RAB11FIP2: variants seen among roughly 807,000 people sequenced by gnomAD.
RAB11FIP2 encodes RAB11 family interacting protein 2, also known as rab11 family-interacting protein 2.
In RAB11FIP2, 16 loss-of-function variants were observed where a neutral mutation model predicts 40.9. The ratio of observed to expected loss-of-function variants is 0.39; its 90% CI spans 0.26 to 0.59. The LOEUF is 0.59. Among genes scored for constraint, RAB11FIP2 ranks in the 20% least tolerant of loss-of-function variants. The probability of loss-of-function intolerance (pLI) is 0.53; values close to 1 mark genes in which losing one functional copy is unlikely to be tolerated. For missense variants in RAB11FIP2, 532 were observed against 606.2 expected, an observed-to-expected ratio of 0.88 and a Z score of 1.28; for synonymous variants, 228 against 213.7, an observed-to-expected ratio of 1.07 and a Z score of -0.58.
chr10:118,020,409 C>T (rs868694433), intron 3 of RAB11FIP2, among the ~76,000 whole-genome samples: 9 of 152,180 alleles, frequency 5.9e-5, no homozygotes, highest in South Asian at 4.1e-4. Flanking sequence ...AATAACTGTG[C>T]TCTTGATTTT....
chr10:118,014,657 G>A (rs555799619), intron 4 of RAB11FIP2, among the ~76,000 whole-genome samples: 125 of 152,186 alleles, frequency 8.2e-4, no homozygotes, highest in African/African-American at 2.8e-3. Flanking sequence ...CTTTTCTATT[G>A]TTGAATGTTA....
At chr10:118,043,334 C>T (rs1294510570) in intron 1 of RAB11FIP2, 1 of 151,864 alleles carries the variant, frequency 6.6e-6, no homozygotes, top group African/African-American at 2.4e-5. Context: ...AAAAAGTCAA[C>T]ATCACCTACT....
In RAB11FIP2 at chr10:118,040,113, T is replaced by C. The variant is rs1324144046; in HGVS notation, c.796+10A>G. ...TCAGACCAATGAGTACACAAGAATG[T>C]GACACTTACCACTTTCTGGAACTGT... is the stretch of plus-strand genomic sequence containing the variant. On this transcript the variant is annotated intron_variant, in intron 2 of 4. Coordinates refer to ENST00000355624, the MANE Select transcript of RAB11FIP2 (RefSeq NM_014904.3). The C allele has an allele frequency of 6.2e-7, 1 of 1,607,536 alleles. No homozygotes were observed. The highest frequency in any genetic ancestry group is 8.5e-7 in the Non-Finnish European group (1 of 1,175,616).
intron 1 of RAB11FIP2, 26 bp downstream of exon 1, chr10:118,045,785 A>T (rs376325512): frequency 2.0e-6 from 3 of 1,518,616 alleles, no homozygotes; most frequent in Non-Finnish European, 2.7e-6. Flanking sequence ...AACTCCCCCA[A>T]ATTCAAAATA....
chr10:118,034,707 C>T (rs1846459591), intron 3 of RAB11FIP2, among the ~76,000 whole-genome samples: 1 of 152,046 alleles, frequency 6.6e-6, no homozygotes. Flanking sequence ...AATTAAAAAA[C>T]AAGACTAGTG....
intron 4 of RAB11FIP2, among the ~76,000 whole-genome samples, chr10:118,013,731 T>C (rs1190618648): frequency 6.6e-6 from 1 of 152,082 alleles, no homozygotes; most frequent in East Asian, 1.9e-4. Flanking sequence ...AGGATTCTTT[T>C]ATCACCTTTA....
In RAB11FIP2 at chr10:118,037,300, C is replaced by G. The variant is rs139547049; in HGVS notation, c.1265+1672G>C. 8.6e-4 allele frequency among the ~76,000 whole-genome samples: 131 copies of G among 152,022 alleles called. 1 individual carries two copies. The highest frequency in any genetic ancestry group is 1.7e-3 in the Non-Finnish European group (114 of 67,920). On this transcript the variant is annotated intron_variant, in intron 3 of 4. Transcript: ENST00000355624. The stretch of plus-strand genomic sequence containing the variant: ...TCTGGAGTATGGTTTATAAACAGAA[C>G]AGAATACTCTTTTAAACCATGGCAA...
Position 118,007,020 on chromosome 10 carries a change from T to C in RAB11FIP2, c.*1978A>G, listed in dbSNP as rs1846097984. The stretch of plus-strand genomic sequence containing the variant: ...AGCAAATTTGGCCAAAGCATATTAT[T>C]ATAGTATCTGCAGATACTGTCATAA... On this transcript the variant is annotated 3_prime_UTR_variant, in exon 5 of 5. Coordinates refer to ENST00000355624, the MANE Select transcript of RAB11FIP2 (RefSeq NM_014904.3). 6.6e-6 allele frequency: 1 copy of C among 152,438 alleles called. No homozygotes were observed. The highest frequency in any genetic ancestry group is 1.5e-5 in the Non-Finnish European group (1 of 67,916). 9.4% of individuals were successfully genotyped at this position (152,438 alleles called of 1,614,324 possible).
At chr10:118,035,746 A>G (rs1280429550) in intron 3 of RAB11FIP2, among the ~76,000 whole-genome samples, 1 of 152,148 alleles carries the variant, frequency 6.6e-6, no homozygotes, top group Non-Finnish European at 1.5e-5. Context: ...GCTATTAGTG[A>G]ACAATGCCAT....
chr10:118,025,333 C>T (rs1178185997), intron 3 of RAB11FIP2, among the ~76,000 whole-genome samples: 1 of 152,138 alleles, frequency 6.6e-6, no homozygotes, highest in Non-Finnish European at 1.5e-5. Context: ...AAAACAGGTG[C>T]CCACTGATTT....
In RAB11FIP2 at chr10:118,039,328, TG is replaced by T. The variant is rs1292754502; in HGVS notation, c.908del (p.Pro303HisfsTer5). 2.5e-6 allele frequency: 4 copies of T among 1,613,608 alleles called. No individual in the cohort carries two copies. In the Admixed American group the frequency reaches 6.7e-5, roughly 27 times the overall value. ...GELCFGRQND[P>X]FTNVTASLPQ... Reference sequence around the variant, plus strand: ...GTAATGAAGCAGTCACATTTGTAAATGGGTCATTTTGTCTTCCGAAACACAA... The same window carrying T: ...GTAATGAAGCAGTCACATTTGTAAATGGTCATTTTGTCTTCCGAAACACAA... On this transcript the variant is annotated frameshift_variant, in exon 3 of 5. Coordinates refer to ENST00000355624, the MANE Select transcript of RAB11FIP2 (RefSeq NM_014904.3). LOFTEE classifies it high-confidence loss of function.
chr10:118,046,770 G>A lies in RAB11FIP2; in HGVS notation c.-607C>T, dbSNP rs2928113. 131,188 of 152,110 alleles carry A rather than the reference G, an allele frequency of 0.86. 56,753 individuals are homozygous for A. Among genetic ancestry groups the A allele is most frequent in the East Asian group, 1 (5,079 of 5,086 alleles). 9.4% of individuals were successfully genotyped at this position (152,110 alleles called of 1,614,324 possible). On this transcript the variant is annotated 5_prime_UTR_variant, in exon 1 of 5. Transcript: ENST00000355624. ...GAGCGGGTAGCCAGGGGTGGAGTGG[G>A]GGAGGGCGGGGAACGCGGCCGCCCC... is the stretch of plus-strand genomic sequence containing the variant.
chr10:118,044,130 A>G (rs79823632), intron 1 of RAB11FIP2, among the ~76,000 whole-genome samples: 79 of 152,302 alleles, frequency 5.2e-4, no homozygotes, highest in African/African-American at 1.6e-3. Context: ...CTCACACCAA[A>G]TGTATTGTAA....
intron 3 of RAB11FIP2, among the ~76,000 whole-genome samples, chr10:118,030,450 C>T (rs565245888): frequency 6.6e-6 from 1 of 152,082 alleles, no homozygotes; most frequent in Non-Finnish European, 1.5e-5. Flanking sequence ...ATTACCTAAA[C>T]TATATCTCCA....
rs142469685 is a variant in RAB11FIP2 at position 118,014,251 on chromosome 10, T to C, written c.1311+814A>G. On this transcript the variant is annotated intron_variant, in intron 4 of 4. Coordinates refer to ENST00000355624, the MANE Select transcript of RAB11FIP2 (RefSeq NM_014904.3). ...GGATTGCCTAAAAAAATTCTTACTA[T>C]ACATCTGGATCGCACACATCAAGGA... Among the ~76,000 whole-genome samples the C allele has an allele frequency of 1.4e-4, 21 of 152,176 alleles. No individual in the cohort carries two copies. In the East Asian group the frequency reaches 4.1e-3, roughly 29 times the overall value.
rs369962975 is a variant in RAB11FIP2, at chr10:118,015,096, G to A, written c.1280C>T (p.Pro427Leu). The A allele has an allele frequency of 1.1e-5, 18 of 1,608,764 alleles. No homozygotes were observed. Among genetic ancestry groups the A allele is most frequent in the Non-Finnish European group, 1.4e-5 (16 of 1,176,914 alleles). Residue 427 changes from proline (P) to leucine (L), a missense_variant, in exon 4 of 5, where the codon CCA becomes CTA. Physicochemically the swap from Pro to Leu is moderately conservative, Grantham distance 98. Coordinates refer to ENST00000355624, the MANE Select transcript of RAB11FIP2 (RefSeq NM_014904.3). ...IMPSSSFHMS[P>L]TSNEDLRKIP... Reference sequence around the variant, plus strand: ...TTTCCTGAGGTCTTCATTGCTTGTTGGACTCATATGAAAACTAATAAAACA... The same window carrying A: ...TTTCCTGAGGTCTTCATTGCTTGTTAGACTCATATGAAAACTAATAAAACA...
rs1846077654 is a variant in RAB11FIP2 at position 118,004,971 on chromosome 10, T to C, written c.*4027A>G. On this transcript the variant is annotated 3_prime_UTR_variant, in exon 5 of 5. Transcript: ENST00000355624. ...TCAATAATCATATATTATATAAAAA[T>C]TCTGATTCATGCATCAGATTACATA... 6.6e-6 allele frequency: 1 copy of C among 152,628 alleles called. No homozygotes were observed. The highest frequency in any genetic ancestry group is 2.1e-4 in the South Asian group (1 of 4,834). 9.5% of individuals were successfully genotyped at this position (152,628 alleles called of 1,614,324 possible).
chr10:118,013,624 CTCT>C (rs1554905430), intron 4 of RAB11FIP2, among the ~76,000 whole-genome samples: 25 of 152,214 alleles, frequency 1.6e-4, no homozygotes, highest in Non-Finnish European at 3.2e-4. Context: ...GCGCTTCCTC[CTCT>C]TAATTGTATC....
chr10:118,045,606 T>C, intron 1 of RAB11FIP2: 2 of 536,546 alleles, frequency 3.7e-6, no homozygotes, highest in Non-Finnish European at 6.6e-6. Context: ...ACAGAAAGAA[T>C]AAGGGATCAT....
Sources: gnomAD v4.1 joint callset for allele counts (sites outside exome capture counted in the v4.1 genomes callset) on GRCh38, gnomAD v4.1.1 for gene constraint, MANE v1.5 for transcripts, NCBI Gene and HGNC (gene_info 2026-07-23, HGNC 2026-07-21) for gene names.